PLK1: variants seen among roughly 807,000 people sequenced by gnomAD.
PLK1 encodes the protein serine/threonine-protein kinase PLK1.
A neutral mutation model predicts 56.7 loss-of-function variants in PLK1; 6 were observed. That is an observed-to-expected ratio of 0.11 (90% CI 0.06 to 0.21). The LOEUF is 0.21. PLK1 is among the 10% of genes least tolerant of loss of function. The pLI is 1.00. For missense variants in PLK1, 546 were observed against 814.4 expected (o/e 0.67, Z 4.01); for synonymous variants, 298 against 325.0 (o/e 0.92, Z 0.89).
At position 23,689,502 on chromosome 16, in the gene PLK1, C is replaced by T. The variant is rs150784482; in HGVS notation, c.1434C>T (p.Leu478=). ...ACCTACTTTTCATCCAGATCACCCT[C>T]CTTAAATATTTCCGCAATTACATGA... ...HPNSLMKKIT[L]LKYFRNYMSE... Residue 478 remains leucine (L), a synonymous_variant, in exon 9 of 10, where the codon CTC becomes CTT. Coordinates refer to ENST00000300093, the MANE Select transcript of PLK1 (RefSeq NM_005030.6). This position sits in a 1 kb window ranked among gnomAD's most constrained non-coding sequence, Gnocchi z 4.8. 6.2e-7 allele frequency: 1 copy of T among 1,610,566 alleles called. No individual in the cohort carries two copies.
intron 4 of PLK1, among the ~76,000 whole-genome samples, chr16:23,683,060 G>A (rs1274479100): frequency 1.5e-5 from 2 of 135,826 alleles, no homozygotes; most frequent in Non-Finnish European, 1.5e-5. Flanking sequence ...GTACAATCTC[G>A]GCTCACTGCA....
intron 1 of PLK1, chr16:23,679,778 G>C (rs74012329): frequency 0.041 from 13,364 of 322,650 alleles, 787 homozygotes; most frequent in African/African-American, 0.16. Flanking sequence ...AAGGGATCTG[G>C]TGCTGGGGAC....
chr16:23,686,677 G>A (rs1207758049), intron 5 of PLK1, among the ~76,000 whole-genome samples: 1 of 151,878 alleles, frequency 6.6e-6, no homozygotes, highest in East Asian at 2.0e-4. Flanking sequence ...TTTTAGTAAA[G>A]ACAGGGTTTT....
intron 5 of PLK1, 37 bp from the exon 6 acceptor site, chr16:23,687,432 G>C: frequency 6.6e-7 from 1 of 1,504,966 alleles, no homozygotes; most frequent in Non-Finnish European, 9.0e-7. Flanking sequence ...GGAGTCCCGT[G>C]CCCTTCCCAA....
At position 23,689,899 on chromosome 16, in the gene PLK1, G is replaced by A. The variant is rs752551627; in HGVS notation, c.1648G>A (p.Val550Met). The A allele has an allele frequency of 1.4e-5, 23 of 1,613,986 alleles. No homozygotes were observed. The highest frequency in any genetic ancestry group is 9.9e-5 in the South Asian group (9 of 91,090). Residue 550 changes from valine (V) to methionine (M), a missense_variant, in exon 10 of 10, where the codon GTG becomes ATG. Physicochemically the swap from Val to Met is conservative, Grantham distance 21. This residue lies in a region of PLK1 where 113 missense variants were observed against 202.0 expected (regional missense o/e 0.56). Coordinates refer to ENST00000300093, the MANE Select transcript of PLK1 (RefSeq NM_005030.6). This position sits in a 1 kb window ranked among gnomAD's most constrained non-coding sequence, Gnocchi z 4.8. ...KLILCPLMAAVTYIDEKRDFR... is the reference protein window; with the variant it reads ...KLILCPLMAAMTYIDEKRDFR... ...CATCTTGTGCCCACTGATGGCAGCCGTGACCTACATCGACGAGAAGCGGGA... is the reference window on the plus strand; with the variant it reads ...CATCTTGTGCCCACTGATGGCAGCCATGACCTACATCGACGAGAAGCGGGA...
rs762771528 is a variant in PLK1 at position 23,681,014 on chromosome 16, A to G, written c.678A>G (p.Lys226=). 1 of 1,613,284 alleles carries G rather than the reference A, an allele frequency of 6.2e-7. No individual in the cohort carries two copies. The highest frequency in any genetic ancestry group is 1.1e-5 in the South Asian group (1 of 90,800). ...NYIAPEVLSK[K]GHSFEVDVWS... Reference sequence around the variant, plus strand: ...TAGCTCCCGAGGTGCTGAGCAAGAAAGGGCACAGTTTCGAGGTGGATGTGT... The same window carrying G: ...TAGCTCCCGAGGTGCTGAGCAAGAAGGGGCACAGTTTCGAGGTGGATGTGT... The change falls in exon 3 of 10, where the codon AAA becomes AAG. Residue 226 remains lysine (K), a synonymous_variant. Transcript: ENST00000300093.
chr16:23,680,936 AGTC>A lies in PLK1; in HGVS notation c.602_604del (p.Val201del). 6.2e-7 allele frequency: 1 copy of A among 1,610,830 alleles called. No homozygotes were observed. Among genetic ancestry groups the A allele is most frequent in the Non-Finnish European group, 8.5e-7 (1 of 1,178,894 alleles). On this transcript the variant is annotated inframe_deletion, in exon 3 of 10. Coordinates refer to ENST00000300093, the MANE Select transcript of PLK1 (RefSeq NM_005030.6). ...CAGGGGATTTTGGACTGGCAACCAA[AGTC>A]GAATATGACGGGGAGAGGAAGAAGA...
intron 3 of PLK1, 143 bp from the exon 4 acceptor site, chr16:23,681,921 G>A (rs1959336762): frequency 4.9e-6 from 3 of 616,542 alleles, no homozygotes; most frequent in Non-Finnish European, 5.9e-6. Flanking sequence ...CTGCTCAGTG[G>A]ACTTAGGGAT....
At position 23,679,056 on chromosome 16, in the gene PLK1, G is replaced by A. The variant is rs1959280716; in HGVS notation, c.124G>A (p.Glu42Lys). 6.2e-7 allele frequency: 1 copy of A among 1,607,806 alleles called. No homozygotes were observed. Among genetic ancestry groups the A allele is most frequent in the Non-Finnish European group, 8.5e-7 (1 of 1,175,896 alleles). Residue 42 changes from glutamate to lysine, a missense_variant, in exon 1 of 10, where the codon GAG becomes AAG. By Grantham distance (56) the Glu-to-Lys change is moderately conservative. Coordinates refer to ENST00000300093, the MANE Select transcript of PLK1 (RefSeq NM_005030.6). ...GGCTCCACCGGCGAAAGAGATCCCG[G>A]AGGTCCTAGTGGACCCACGCAGCCG... is the stretch of plus-strand genomic sequence containing the variant. The part of the protein sequence containing the change: ...AAAPPAKEIP[E>K]VLVDPRSRRR...
chr16:23,689,180 G>C lies in PLK1; in HGVS notation c.1271-58G>C. On this transcript the variant is annotated intron_variant, in intron 7 of 9. Transcript: ENST00000300093. The surrounding 1 kb of genome is among the most constrained non-coding windows in gnomAD (Gnocchi z 4.8). ...ATCACAGGCATGTGCCACCACGCCCGGTCCCACTCCCCACTTTCTATTCCC... is the reference window on the plus strand; with the variant it reads ...ATCACAGGCATGTGCCACCACGCCCCGTCCCACTCCCCACTTTCTATTCCC... 6.7e-7 allele frequency: 1 copy of C among 1,501,894 alleles called. No individual in the cohort carries two copies. Among genetic ancestry groups the C allele is most frequent in the Non-Finnish European group, 9.2e-7 (1 of 1,087,782 alleles). The allele number at this position is 1,501,894 out of a possible 1,614,324, so 93.0% of individuals were successfully genotyped here.
Position 23,680,085 on chromosome 16 carries a change from C to A in PLK1, c.410C>A (p.Ser137Tyr). ...CTGCCCTCTCCTTCCCACCCACAGT[C>A]TCTCCTGGAGCTGCACAAGAGGAGG... Reference protein sequence around the residue: ...FVVLELCRRRSLLELHKRRKA... With the variant: ...FVVLELCRRRYLLELHKRRKA... The change falls in exon 2 of 10, where the codon TCT becomes TAT. Residue 137 changes from serine (S) to tyrosine (Y), a missense_variant and splice_region_variant. This residue lies in a region of PLK1 where 111 missense variants were observed against 211.8 expected (regional missense o/e 0.52). Coordinates refer to ENST00000300093, the MANE Select transcript of PLK1 (RefSeq NM_005030.6). 1 of 1,612,604 alleles carries A rather than the reference C, an allele frequency of 6.2e-7. No homozygotes were observed. Among genetic ancestry groups the A allele is most frequent in the Non-Finnish European group, 8.5e-7 (1 of 1,178,836 alleles).
chr16:23,683,369 C>T (rs113209650), intron 4 of PLK1, among the ~76,000 whole-genome samples: 7 of 152,266 alleles, frequency 4.6e-5, no homozygotes, highest in African/African-American at 1.7e-4. Flanking sequence ...TAGCACACAG[C>T]CAGTTTGAAG....
chr16:23,684,816 C>G (rs1285294588), intron 5 of PLK1, among the ~76,000 whole-genome samples: 1 of 152,008 alleles, frequency 6.6e-6, no homozygotes, highest in Non-Finnish European at 1.5e-5. Context: ...CACCACCATG[C>G]CCGGCTGTTT....
intron 3 of PLK1, among the ~76,000 whole-genome samples, chr16:23,681,555 C>T (rs1166127488): frequency 2.0e-5 from 3 of 152,164 alleles, no homozygotes; most frequent in East Asian, 1.9e-4. Context: ...CCATCAGCAG[C>T]GGTTGGTGGC....
At position 23,683,836 on chromosome 16, in the gene PLK1, A is replaced by G. The variant is rs774872077; in HGVS notation, c.817-34A>G. 20 of 1,554,114 alleles carry G rather than the reference A, an allele frequency of 1.3e-5. No individual in the cohort carries two copies. The Admixed American group carries it at 3.2e-4, about 25-fold the overall frequency. On this transcript the variant is annotated intron_variant, in intron 4 of 9. Transcript: ENST00000300093. Reference sequence around the variant, plus strand: ...GTACTGTACTCCAGGTCCCCTTCACATTCTGCTTATGGCTGTCCCTCTCTC... The same window carrying G: ...GTACTGTACTCCAGGTCCCCTTCACGTTCTGCTTATGGCTGTCCCTCTCTC...
chr16:23,685,229 A>G (rs978098910), intron 5 of PLK1, among the ~76,000 whole-genome samples: 2 of 152,130 alleles, frequency 1.3e-5, no homozygotes, highest in South Asian at 2.1e-4. Context: ...AGTTGCAACA[A>G]CAACAAAAAA....
In PLK1 at chr16:23,688,724, T is replaced by C; in HGVS notation, c.1249T>C (p.Tyr417His). 1.2e-6 allele frequency: 2 copies of C among 1,613,690 alleles called. No homozygotes were observed. Among genetic ancestry groups the C allele is most frequent in the Non-Finnish European group, 8.5e-7 (1 of 1,179,544 alleles). Residue 417 changes from tyrosine (Y) to histidine (H), a missense_variant, in exon 7 of 10, where the codon TAT becomes CAT. Physicochemically the swap from Tyr to His is moderately conservative, Grantham distance 83. Coordinates refer to ENST00000300093, the MANE Select transcript of PLK1 (RefSeq NM_005030.6). The part of the protein sequence containing the change: ...PIFWVSKWVD[Y>H]SDKYGLGYQL... ...CTTCTGGGTCAGCAAGTGGGTGGAC[T>C]ATTCGGACAAGTACGGCCTTGGTAG...
intron 5 of PLK1, among the ~76,000 whole-genome samples, chr16:23,685,504 C>T (rs1007151894): frequency 8.6e-5 from 13 of 152,046 alleles, no homozygotes; most frequent in African/African-American, 1.4e-4. Flanking sequence ...CTCAGGAGTT[C>T]GAGATCAGCC....
In PLK1 at chr16:23,689,101, C is replaced by A; in HGVS notation, c.1271-137C>A. 1.3e-6 allele frequency: 1 copy of A among 756,010 alleles called. No individual in the cohort carries two copies. Among genetic ancestry groups the A allele is most frequent in the Non-Finnish European group, 2.2e-6 (1 of 445,824 alleles). The allele number at this position is 756,010 out of a possible 1,614,324, so 46.8% of individuals were successfully genotyped here. ...GTCTCATTACGTTGCCCAGGCTGGTCTCAAACTCCTGGGCTCAAACAATCC... is the reference window on the plus strand; with the variant it reads ...GTCTCATTACGTTGCCCAGGCTGGTATCAAACTCCTGGGCTCAAACAATCC... On this transcript the variant is annotated intron_variant, in intron 7 of 9. Transcript: ENST00000300093. This position sits in a 1 kb window ranked among gnomAD's most constrained non-coding sequence, Gnocchi z 4.8.
Sources: gnomAD v4.1 joint callset for allele counts (sites outside exome capture counted in the v4.1 genomes callset) on GRCh38, gnomAD v4.1.1 for gene constraint, gnomAD v4.1.1 regional missense constraint, Gnocchi (gnomAD v3.1) non-coding constraint, MANE v1.5 for transcripts, NCBI Gene and HGNC (gene_info 2026-07-23, HGNC 2026-07-21) for gene names.